TSSC4: variants seen among roughly 807,000 people sequenced by gnomAD.
TSSC4 encodes U5 small nuclear ribonucleoprotein TSSC4.
For synonymous variants in TSSC4, 259 were observed against 197.9 expected (o/e 1.31, Z -2.59); for missense variants, 500 against 443.9 (o/e 1.13, Z -1.14).
Position 2,402,930 on chromosome 11 carries a change from C to T in TSSC4, c.297C>T (p.Cys99=). Residue 99 remains cysteine, a synonymous_variant, in exon 3 of 3, where the codon TGC becomes TGT. Transcript: ENST00000333256. The part of the protein sequence containing the change: ...FSQRSRDIFD[C]LEGAARRAPS... The stretch of plus-strand genomic sequence containing the variant: ...AGCGCAGCCGTGACATCTTTGACTG[C>T]CTGGAGGGGGCGGCCAGACGGGCTC... 6.2e-7 allele frequency: 1 copy of T among 1,611,914 alleles called. No individual in the cohort carries two copies.
rs117955170 is a variant in TSSC4 at position 2,403,296 on chromosome 11, G to A, written c.663G>A (p.Gly221=). The change falls in exon 3 of 3, where the codon GGG becomes GGA. Residue 221 remains glycine (G), a synonymous_variant. Coordinates refer to ENST00000333256, the MANE Select transcript of TSSC4 (RefSeq NM_005706.4). ...GRVIFTKPVR[G]VEARHERKRV... is the part of the protein sequence containing the mutation. ...TCATCTTCACCAAACCAGTCCGAGGGGTCGAAGCCAGACACGAGAGGAAGA... is the reference window on the plus strand; with the variant it reads ...TCATCTTCACCAAACCAGTCCGAGGAGTCGAAGCCAGACACGAGAGGAAGA... 3.4e-4 allele frequency: 545 copies of A among 1,612,414 alleles called. 3 individuals carry two copies. The East Asian group carries it at 0.011, about 34-fold the overall frequency.
rs759898894 is a variant in TSSC4 at position 2,403,229 on chromosome 11, C to T, written c.596C>T (p.Ser199Phe). 92 of 1,612,756 alleles carry T rather than the reference C, an allele frequency of 5.7e-5. No individual in the cohort carries two copies. The highest frequency in any genetic ancestry group is 7.2e-5 in the Non-Finnish European group (85 of 1,179,956). ...CTGGCTGCCCCCACTGACTGCGTGTCCTCCTTCAACCAGGATCCCTCCAGC... is the reference window on the plus strand; with the variant it reads ...CTGGCTGCCCCCACTGACTGCGTGTTCTCCTTCAACCAGGATCCCTCCAGC... ...QSLAAPTDCVSSFNQDPSSCG... is the reference protein window; with the variant it reads ...QSLAAPTDCVFSFNQDPSSCG... The change falls in exon 3 of 3, where the codon TCC becomes TTC. Residue 199 changes from serine to phenylalanine, a missense_variant. Physicochemically the swap from Ser to Phe is radical, Grantham distance 155 (BLOSUM62 -2). Coordinates refer to ENST00000333256, the MANE Select transcript of TSSC4 (RefSeq NM_005706.4).
rs2234277 is a variant in TSSC4 at position 2,402,590 on chromosome 11, T to C, written c.-23-21T>C. ...TACTGTTCCTCCTGAGAAACAAATT[T>C]TCTGGGCTGTTTTGGTTTAGGTGTG... is the stretch of plus-strand genomic sequence containing the variant. On this transcript the variant is annotated intron_variant, in intron 2 of 2. Coordinates refer to ENST00000333256, the MANE Select transcript of TSSC4 (RefSeq NM_005706.4). 8,298 of 1,530,352 alleles carry C rather than the reference T, an allele frequency of 5.4e-3. 343 individuals are homozygous for C. In the African/African-American group the frequency reaches 0.092, roughly 17 times the overall value. 94.8% of individuals were successfully genotyped at this position (1,530,352 alleles called of 1,614,324 possible). A position where few individuals can be genotyped will look rare whatever the true frequency, so the allele number is the denominator to read the frequency against.
chr11:2,403,722 T>G lies in TSSC4; in HGVS notation c.*99T>G, dbSNP rs1850252813. 1 of 1,288,912 alleles carries G rather than the reference T, an allele frequency of 7.8e-7. No individual in the cohort carries two copies. Among genetic ancestry groups the G allele is most frequent in the Non-Finnish European group, 1.0e-6 (1 of 976,278 alleles). The allele number at this position is 1,288,912 out of a possible 1,614,324, so 79.8% of individuals were successfully genotyped here. ...CAGCCTGGCCACTGCCTAGCTGGAATGGGAGGAAGCCTGCAGGTGGCACCG... is the reference window on the plus strand; with the variant it reads ...CAGCCTGGCCACTGCCTAGCTGGAAGGGGAGGAAGCCTGCAGGTGGCACCG... On this transcript the variant is annotated 3_prime_UTR_variant, in exon 3 of 3. Transcript: ENST00000333256.
Position 2,403,122 on chromosome 11 carries a change from C to G in TSSC4, c.489C>G (p.Thr163=). 6.2e-7 allele frequency: 1 copy of G among 1,612,660 alleles called. No individual in the cohort carries two copies. Among genetic ancestry groups the G allele is most frequent in the Non-Finnish European group, 8.5e-7 (1 of 1,179,890 alleles). ...ACGTGGCACACCCCGAGCGCTGGACCAAGTACAGCCTGGAAGATGTGACCG... is the reference window on the plus strand; with the variant it reads ...ACGTGGCACACCCCGAGCGCTGGACGAAGTACAGCCTGGAAGATGTGACCG... ...PDYVAHPERW[T]KYSLEDVTEV... is the part of the protein sequence containing the mutation. Residue 163 remains threonine, a synonymous_variant, in exon 3 of 3, where the codon ACC becomes ACG. Coordinates refer to ENST00000333256, the MANE Select transcript of TSSC4 (RefSeq NM_005706.4).
Position 2,403,776 on chromosome 11 carries a change from TC to T in TSSC4, c.*155del. ...GCCCTGGCTGCAGTTCTGGGCAGCATCCTCCCAAGCAGAGACCTTGCTGAAG... is the reference window on the plus strand; with the variant it reads ...GCCCTGGCTGCAGTTCTGGGCAGCATCTCCCAAGCAGAGACCTTGCTGAAG... On this transcript the variant is annotated 3_prime_UTR_variant, in exon 3 of 3. Coordinates refer to ENST00000333256, the MANE Select transcript of TSSC4 (RefSeq NM_005706.4). The T allele has an allele frequency of 1.3e-6, 1 of 755,286 alleles. No homozygotes were observed. Among genetic ancestry groups the T allele is most frequent in the Non-Finnish European group, 2.0e-6 (1 of 504,362 alleles). 46.8% of individuals were successfully genotyped at this position (755,286 alleles called of 1,614,324 possible).
At chr11:2,401,887 C>T (rs958885996) in intron 1 of TSSC4, 2 of 152,198 alleles carry the variant, frequency 1.3e-5, no homozygotes, top group Non-Finnish European at 2.9e-5. Context: ...GAGCTTGACC[C>T]TCAGATGCCA....
chr11:2,403,677 C>T lies in TSSC4; in HGVS notation c.*54C>T. 1 of 1,449,016 alleles carries T rather than the reference C, an allele frequency of 6.9e-7. No individual in the cohort carries two copies. Among genetic ancestry groups the T allele is most frequent in the Non-Finnish European group, 9.1e-7 (1 of 1,098,838 alleles). The allele number at this position is 1,449,016 out of a possible 1,614,324, so 89.8% of individuals were successfully genotyped here. ...GGCCACTGCCATCCTGCTGCCTTCC[C>T]AGTGGGGCTGGTCAGGGGGCAGCCT... is the stretch of plus-strand genomic sequence containing the variant. On this transcript the variant is annotated 3_prime_UTR_variant, in exon 3 of 3. Transcript: ENST00000333256.
rs746476651 is a variant in TSSC4, at chr11:2,403,376, C to T, written c.743C>T (p.Thr248Ile). 6 of 1,609,712 alleles carry T rather than the reference C, an allele frequency of 3.7e-6. No individual in the cohort carries two copies. The African/African-American group carries it at 8.0e-5, about 21-fold the overall frequency. ...PGRGGLGNPA[T>I]DRGEGPVELA... Reference sequence around the variant, plus strand: ...AGGGGCGGCCTTGGGAATCCTGCCACAGACAGGGGCGAGGGCCCTGTGGAG... The same window carrying T: ...AGGGGCGGCCTTGGGAATCCTGCCATAGACAGGGGCGAGGGCCCTGTGGAG... Residue 248 changes from threonine to isoleucine, a missense_variant, in exon 3 of 3, where the codon ACA (threonine) becomes ATA (isoleucine). Transcript: ENST00000333256.
Position 2,403,398 on chromosome 11 carries a change from G to A in TSSC4, c.765G>A (p.Val255=). The A allele has an allele frequency of 3.1e-6, 5 of 1,601,470 alleles. No individual in the cohort carries two copies. The highest frequency in any genetic ancestry group is 4.3e-6 in the Non-Finnish European group (5 of 1,173,154). ...CCACAGACAGGGGCGAGGGCCCTGT[G>A]GAGCTGGCCCATCTGGCCGGGCCCG... ...NPATDRGEGP[V]ELAHLAGPGS... is the part of the protein sequence containing the mutation. Residue 255 remains valine, a synonymous_variant, in exon 3 of 3, where the codon GTG becomes GTA. Coordinates refer to ENST00000333256, the MANE Select transcript of TSSC4 (RefSeq NM_005706.4).
In TSSC4 at chr11:2,402,455, G is replaced by GA; in HGVS notation, c.-24+6dup. 1.5e-6 allele frequency: 1 copy of GA among 665,036 alleles called. No homozygotes were observed. The highest frequency in any genetic ancestry group is 2.5e-6 in the Non-Finnish European group (1 of 401,170). 41.2% of individuals were successfully genotyped at this position (665,036 alleles called of 1,614,324 possible). On this transcript the variant is annotated splice_donor_region_variant and intron_variant, in intron 2 of 2. Transcript: ENST00000333256. Reference sequence around the variant, plus strand: ...GGCACCCAGCAGCCAAGAGAGGTGAGAGGAGGGCTTGGAGGGGGAGGCGGG... The same window carrying GA: ...GGCACCCAGCAGCCAAGAGAGGTGAGAAGGAGGGCTTGGAGGGGGAGGCGGG...
At chr11:2,401,432 C>CT (rs1440932189) in intron 1 of TSSC4, 1 of 152,358 alleles carries the variant, frequency 6.6e-6, no homozygotes. Context: ...TGCGTATCCC[C>CT]TTTCACTGGG....
At position 2,403,737 on chromosome 11, in the gene TSSC4, AGGTGGCACC is replaced by A; in HGVS notation, c.*121_*129del. 15 of 1,170,150 alleles carry A rather than the reference AGGTGGCACC, an allele frequency of 1.3e-5. No individual in the cohort carries two copies. The highest frequency in any genetic ancestry group is 1.7e-5 in the Non-Finnish European group (15 of 872,986). The allele number at this position is 1,170,150 out of a possible 1,614,324, so 72.5% of individuals were successfully genotyped here. On this transcript the variant is annotated 3_prime_UTR_variant, in exon 3 of 3. Coordinates refer to ENST00000333256, the MANE Select transcript of TSSC4 (RefSeq NM_005706.4). ...CTAGCTGGAATGGGAGGAAGCCTGC[AGGTGGCACC>A]GGTGGCCCTGGCTGCAGTTCTGGGC...
At chr11:2,402,498 A>G in intron 2 of TSSC4, 48 bp downstream of exon 2, 1 of 979,950 alleles carries the variant, frequency 1.0e-6, no homozygotes, top group Non-Finnish European at 1.5e-6. Flanking sequence ...CCTGTGTGGG[A>G]CAGTTCTGTC....
rs1027987446 is a variant in TSSC4 at position 2,402,458 on chromosome 11, G to A, written c.-24+8G>A. On this transcript the variant is annotated splice_region_variant and intron_variant, in intron 2 of 2. Coordinates refer to ENST00000333256, the MANE Select transcript of TSSC4 (RefSeq NM_005706.4). ...ACCCAGCAGCCAAGAGAGGTGAGAG[G>A]AGGGCTTGGAGGGGGAGGCGGGACT... The A allele has an allele frequency of 2.2e-5, 15 of 669,252 alleles. No individual in the cohort carries two copies. The Admixed American group carries it at 2.5e-4, about 11-fold the overall frequency. The allele number at this position is 669,252 out of a possible 1,614,324, so 41.5% of individuals were successfully genotyped here.
At position 2,403,695 on chromosome 11, in the gene TSSC4, G is replaced by C; in HGVS notation, c.*72G>C. The C allele has an allele frequency of 7.1e-7, 1 of 1,399,250 alleles. No individual in the cohort carries two copies. Among genetic ancestry groups the C allele is most frequent in the Non-Finnish European group, 9.4e-7 (1 of 1,063,432 alleles). The allele number at this position is 1,399,250 out of a possible 1,614,324, so 86.7% of individuals were successfully genotyped here. The stretch of plus-strand genomic sequence containing the variant: ...GCCTTCCCAGTGGGGCTGGTCAGGG[G>C]GCAGCCTGGCCACTGCCTAGCTGGA... On this transcript the variant is annotated 3_prime_UTR_variant, in exon 3 of 3. Coordinates refer to ENST00000333256, the MANE Select transcript of TSSC4 (RefSeq NM_005706.4).
At position 2,403,156 on chromosome 11, in the gene TSSC4, G is replaced by T; in HGVS notation, c.523G>T (p.Glu175Ter). 6.2e-7 allele frequency: 1 copy of T among 1,612,250 alleles called. No individual in the cohort carries two copies. The highest frequency in any genetic ancestry group is 8.5e-7 in the Non-Finnish European group (1 of 1,179,568). ...CCTGGAAGATGTGACCGAGGTCAGC[G>T]AGCAGAGCAATCAGGCCACCGCCCT... ...YSLEDVTEVSEQSNQATALAF... is the reference protein window; with the variant it reads ...YSLEDVTEVS Residue 175 changes from glutamate to a stop codon, truncating the protein, a stop_gained, in exon 3 of 3, where the codon GAG becomes TAG. Coordinates refer to ENST00000333256, the MANE Select transcript of TSSC4 (RefSeq NM_005706.4). LOFTEE classifies it low-confidence loss of function (END_TRUNC).
Position 2,403,154 on chromosome 11 carries a change from G to GA in TSSC4, c.521_522insA (p.Ser174ArgfsTer23). The GA allele has an allele frequency of 6.2e-7, 1 of 1,612,138 alleles. No homozygotes were observed. The highest frequency in any genetic ancestry group is 8.5e-7 in the Non-Finnish European group (1 of 1,179,414). ...AGCCTGGAAGATGTGACCGAGGTCA[G>GA]CGAGCAGAGCAATCAGGCCACCGCC... On this transcript the variant is annotated frameshift_variant, in exon 3 of 3. Transcript: ENST00000333256. LOFTEE classifies it low-confidence loss of function (END_TRUNC).
At position 2,403,771 on chromosome 11, in the gene TSSC4, C is replaced by T. The variant is rs769358964; in HGVS notation, c.*148C>T. ...CGGTGGCCCTGGCTGCAGTTCTGGG[C>T]AGCATCCTCCCAAGCAGAGACCTTG... is the stretch of plus-strand genomic sequence containing the variant. On this transcript the variant is annotated 3_prime_UTR_variant, in exon 3 of 3. Transcript: ENST00000333256. The T allele has an allele frequency of 1.3e-6, 1 of 783,260 alleles. No homozygotes were observed. Among genetic ancestry groups the T allele is most frequent in the South Asian group, 2.6e-5 (1 of 37,972 alleles). 48.5% of individuals were successfully genotyped at this position (783,260 alleles called of 1,614,324 possible). A position where few individuals can be genotyped will look rare whatever the true frequency, so the allele number is the denominator to read the frequency against.
Sources: gnomAD v4.1 joint callset for allele counts on GRCh38, gnomAD v4.1.1 for gene constraint, MANE v1.5 for transcripts, NCBI Gene and HGNC (gene_info 2026-07-23, HGNC 2026-07-21) for gene names.